The following SNX14 variants were observed in gnomAD, a reference collection of about 807,000 sequenced individuals.
SNX14 encodes the protein sorting nexin 14.
Under a neutral mutation model 133.8 loss-of-function variants are expected in SNX14, and 93 were observed. The observed-to-expected ratio is 0.70, with a 90% CI of 0.59 to 0.83. The LOEUF (loss-of-function observed/expected upper bound fraction) is 0.83. Among genes scored for constraint, SNX14 ranks in the 40% least tolerant of loss-of-function variants. The pLI is 0.00. For synonymous variants in SNX14, 368 were observed against 365.6 expected, an observed-to-expected ratio of 1.01 and a Z score of -0.07; for missense variants, 945 against 1,094.9, an observed-to-expected ratio of 0.86 and a Z score of 1.93.
At chr6:85,577,231 T>C (rs1797612482) in intron 1 of SNX14, among the ~76,000 whole-genome samples, 1 of 151,996 alleles carries the variant, frequency 6.6e-6, no homozygotes, top group South Asian at 2.1e-4. Context: ...CTGGCCAACA[T>C]GGTGAAACCG....
intron 1 of SNX14, chr6:85,589,541 T>G (rs1168359927): frequency 6.5e-6 from 1 of 153,408 alleles, no homozygotes; most frequent in East Asian, 1.9e-4. Context: ...CTTCAAAGTC[T>G]TCTTCCTCAC....
chr6:85,520,199 C>G (rs1260722794), intron 21 of SNX14, among the ~76,000 whole-genome samples: 1 of 151,556 alleles, frequency 6.6e-6, no homozygotes. Flanking sequence ...CACGCCACCA[C>G]GCCCAGCTAA....
chr6:85,519,239 T>A (rs1199357160), intron 21 of SNX14, among the ~76,000 whole-genome samples: 1 of 152,170 alleles, frequency 6.6e-6, no homozygotes, highest in African/African-American at 2.4e-5. Flanking sequence ...TGTATTGATT[T>A]GGGTGGGGGT....
At chr6:85,585,990 G>GAAAAAAA (rs536086390) in intron 1 of SNX14, among the ~76,000 whole-genome samples, 2 of 75,094 alleles carry the variant, frequency 2.7e-5, no homozygotes, top group African/African-American at 4.4e-5. Flanking sequence ...CCCGCAACAG[G>GAAAAAAA]AAAAAAAAAA....
Position 85,549,801 on chromosome 6 carries a change from C to T in SNX14, c.713G>A (p.Arg238Lys). The T allele has an allele frequency of 6.2e-7, 1 of 1,613,920 alleles. No homozygotes were observed. Among genetic ancestry groups the T allele is most frequent in the South Asian group, 1.1e-5 (1 of 91,082 alleles). ...TTTCCTTAAATAGTGCAATTCATCT[C>T]TTCGACTTCTCAAAGCAACATGAAG... The part of the protein sequence containing the change: ...PELHVALRSR[R>K]DELHYLRKLT... Residue 238 changes from arginine (R) to lysine (K), a missense_variant, in exon 8 of 29, where the codon AGA becomes AAA. Coordinates refer to ENST00000314673, the MANE Select transcript of SNX14 (RefSeq NM_153816.6).
chr6:85,507,872 T>C (rs1374387600), intron 27 of SNX14, 96 bp downstream of exon 27: 8 of 811,098 alleles, frequency 9.9e-6, no homozygotes, highest in African/African-American at 5.3e-5. Context: ...TGGTTTAGTA[T>C]AGTGTCATTT....
intron 3 of SNX14, 37 bp from the exon 4 acceptor site, chr6:85,572,252 C>A (rs1229347730): frequency 1.2e-6 from 2 of 1,610,158 alleles, no homozygotes; most frequent in Non-Finnish European, 1.7e-6. Flanking sequence ...ACTTGAAATC[C>A]AAATGTAATT....
chr6:85,545,702 G>C (rs892414331), intron 12 of SNX14, among the ~76,000 whole-genome samples: 1 of 152,028 alleles, frequency 6.6e-6, no homozygotes, highest in Non-Finnish European at 1.5e-5. Flanking sequence ...ATTTATTTTT[G>C]AGACAGAGTC....
At chr6:85,558,138 TG>T (rs1287437242) in intron 6 of SNX14, 78 bp from the exon 7 acceptor site, 6 of 728,320 alleles carry the variant, frequency 8.2e-6, no homozygotes, top group Non-Finnish European at 1.4e-5. Flanking sequence ...ATTATGATAT[TG>T]GAATATATCT....
At position 85,593,638 on chromosome 6, in the gene SNX14, C is replaced by T. The variant is rs1170543336; in HGVS notation, c.81G>A (p.Gln27=). ...RLDVGREICR[Q]YPLFCFLLLC... ...GCAGCAGGAAGCAGAACAGCGGGTA[C>T]TGGCGGCAGATCTCGCGTCCCACGT... Residue 27 remains glutamine (Q), a synonymous_variant, in exon 1 of 29, where the codon CAG becomes CAA. Transcript: ENST00000314673. 1 of 1,612,790 alleles carries T rather than the reference C, an allele frequency of 6.2e-7. No homozygotes were observed. The highest frequency in any genetic ancestry group is 1.1e-5 in the South Asian group (1 of 91,032).
chr6:85,557,013 T>C (rs1052968808), intron 7 of SNX14, among the ~76,000 whole-genome samples: 2 of 152,142 alleles, frequency 1.3e-5, no homozygotes, highest in South Asian at 2.1e-4. Flanking sequence ...TGGAACATGA[T>C]AGGTTAAAGT....
chr6:85,505,663 T>C lies in SNX14; in HGVS notation c.*304A>G, dbSNP rs1237079217. The stretch of plus-strand genomic sequence containing the variant: ...CATAATTATTTTCAAAGCTATACAA[T>C]ACGAAGTTTATCAGTCTTATCTGTT... On this transcript the variant is annotated 3_prime_UTR_variant, in exon 29 of 29. Transcript: ENST00000314673. 6.3e-6 allele frequency: 2 copies of C among 319,506 alleles called. No individual in the cohort carries two copies. Among genetic ancestry groups the C allele is most frequent in the African/African-American group, 2.2e-5 (1 of 45,062 alleles). 19.8% of individuals were successfully genotyped at this position (319,506 alleles called of 1,614,324 possible). A position where few individuals can be genotyped will look rare whatever the true frequency, so the allele number is the denominator to read the frequency against.
chr6:85,507,891 A>T, intron 27 of SNX14, 77 bp downstream of exon 27: 1 of 1,079,482 alleles, frequency 9.3e-7, no homozygotes, highest in Non-Finnish European at 1.4e-6. Context: ...TTATACAACT[A>T]ATGAGTTACC....
At chr6:85,534,222 T>C (rs1333565607) in intron 17 of SNX14, among the ~76,000 whole-genome samples, 1 of 152,154 alleles carries the variant, frequency 6.6e-6, no homozygotes, top group Non-Finnish European at 1.5e-5. Context: ...TCCCAGCACT[T>C]TGGGAGGCCA....
chr6:85,560,102 T>C (rs1241193428), intron 6 of SNX14, among the ~76,000 whole-genome samples: 1 of 152,140 alleles, frequency 6.6e-6, no homozygotes, highest in Non-Finnish European at 1.5e-5. Context: ...GTGTTAGACA[T>C]AGAGTTTTTG....
intron 1 of SNX14, among the ~76,000 whole-genome samples, chr6:85,576,660 C>T (rs1292242063): frequency 2.0e-5 from 3 of 152,116 alleles, no homozygotes; most frequent in Admixed American, 6.5e-5. Context: ...TGCCAGAATT[C>T]AGAGAGGAGA....
chr6:85,568,653 GAACAAAACGACATATCT>G (rs1215293071), intron 4 of SNX14, among the ~76,000 whole-genome samples: 2 of 152,098 alleles, frequency 1.3e-5, no homozygotes. Context: ...AGTAGGGAGG[GAACAAAACGACATATCT>G]AATCTAATGC....
intron 15 of SNX14, among the ~76,000 whole-genome samples, chr6:85,539,776 G>C (rs1256257688): frequency 2.0e-5 from 3 of 151,666 alleles, no homozygotes; most frequent in South Asian, 2.1e-4. Flanking sequence ...TCAGTATCCA[G>C]AATGAAAAGA....
rs202176779 is a variant in SNX14, at chr6:85,548,295, T to G, written c.867+6A>C. 5.5e-4 allele frequency: 875 copies of G among 1,595,304 alleles called. 1 individual carries two copies. Among genetic ancestry groups the G allele is most frequent in the Non-Finnish European group, 3.9e-4 (460 of 1,171,456 alleles). On this transcript the variant is annotated splice_donor_region_variant and intron_variant, in intron 9 of 28. Transcript: ENST00000314673. ...TAACAATTTAAAAAAAAATCTTAAG[T>G]CTTACTGGATCAGCTAGGAAATCCA...
Sources: gnomAD v4.1 joint callset for allele counts (sites outside exome capture counted in the v4.1 genomes callset) on GRCh38, gnomAD v4.1.1 for gene constraint, MANE v1.5 for transcripts, NCBI Gene and HGNC (gene_info 2026-07-23, HGNC 2026-07-21) for gene names.